Variants in CTNNA3 observed in about 807,000 individuals in gnomAD.
CTNNA3 encodes catenin alpha 3.
CTNNA3 carries 76 observed loss-of-function variants against 95.7 expected under a neutral mutation model. That is an observed-to-expected ratio of 0.79 (90% CI 0.66 to 0.96). CTNNA3 has a LOEUF of 0.96. CTNNA3 is among the 40% of genes least tolerant of loss of function. The pLI is 0.00. For synonymous variants in CTNNA3, 431 were observed against 374.4 expected, an observed-to-expected ratio of 1.15 and a Z score of -1.74; for missense variants, 1,191 against 1,089.8, an observed-to-expected ratio of 1.09 and a Z score of -1.31.
intron 8 of CTNNA3, among the ~76,000 whole-genome samples, chr10:66,768,569 C>A (rs567239161): frequency 2.0e-4 from 31 of 152,074 alleles, no homozygotes; most frequent in Non-Finnish European, 4.1e-4. Context: ...TATAATATTC[C>A]CATCATGGAC....
At chr10:66,074,604 T>C (rs532424136) in intron 14 of CTNNA3, among the ~76,000 whole-genome samples, 23 of 152,000 alleles carry the variant, frequency 1.5e-4, no homozygotes, top group African/African-American at 3.8e-4. Context: ...CAGACTCATA[T>C]AGTATATGCC....
chr10:67,038,972 T>C (rs1397782311), intron 7 of CTNNA3, among the ~76,000 whole-genome samples: 3 of 152,108 alleles, frequency 2.0e-5, no homozygotes, highest in Non-Finnish European at 4.4e-5. Flanking sequence ...ATGATAGATA[T>C]TAATTTTTCA....
intron 11 of CTNNA3, among the ~76,000 whole-genome samples, chr10:66,427,135 C>T (rs7914340): frequency 1.3e-5 from 2 of 151,602 alleles, no homozygotes; most frequent in African/African-American, 4.8e-5. Flanking sequence ...TGTAACTCTA[C>T]CCTTTAGTTG....
chr10:67,487,873 G>A (rs1320126804), intron 5 of CTNNA3, among the ~76,000 whole-genome samples: 5 of 152,146 alleles, frequency 3.3e-5, no homozygotes, highest in Non-Finnish European at 7.4e-5. Flanking sequence ...CTAATGGGAA[G>A]GCACAAGAGC....
At chr10:66,954,741 C>T (rs763110231) in intron 7 of CTNNA3, among the ~76,000 whole-genome samples, 4 of 152,158 alleles carry the variant, frequency 2.6e-5, no homozygotes, top group Admixed American at 6.6e-5. Flanking sequence ...CAGGTATACC[C>T]TTCCTTGGCG....
intron 5 of CTNNA3, chr10:67,334,466 GA>G (rs1394042000): frequency 1.3e-5 from 2 of 153,924 alleles, no homozygotes; most frequent in African/African-American, 4.8e-5. Flanking sequence ...TGGCAAAGAA[GA>G]TGTTCCCACT....
At chr10:66,995,524 C>A (rs1851278797) in intron 7 of CTNNA3, among the ~76,000 whole-genome samples, 1 of 152,154 alleles carries the variant, frequency 6.6e-6, no homozygotes, top group Non-Finnish European at 1.5e-5. Flanking sequence ...TTACCCATAC[C>A]TACCTGTTTA....
At chr10:66,651,762 G>A (rs866072184) in intron 9 of CTNNA3, among the ~76,000 whole-genome samples, 9 of 103,022 alleles carry the variant, frequency 8.7e-5, no homozygotes, top group African/African-American at 2.8e-4. Context: ...CTCCGAGTGC[G>A]GGGCCAGCCA....
chr10:67,292,629 A>G (rs1839883303), intron 5 of CTNNA3, among the ~76,000 whole-genome samples: 1 of 152,196 alleles, frequency 6.6e-6, no homozygotes, highest in Non-Finnish European at 1.5e-5. Context: ...CAATGAAACC[A>G]TACTCTAAGG....
chr10:66,120,420 T>A (rs1053817312), intron 13 of CTNNA3, among the ~76,000 whole-genome samples: 1 of 152,170 alleles, frequency 6.6e-6, no homozygotes, highest in Non-Finnish European at 1.5e-5. Flanking sequence ...TAGAATTACA[T>A]TAAATAAATA....
chr10:66,040,917 C>G (rs1903867), intron 15 of CTNNA3, among the ~76,000 whole-genome samples: 1 of 151,840 alleles, frequency 6.6e-6, no homozygotes, highest in African/African-American at 2.4e-5. Flanking sequence ...AATTAGTATG[C>G]GAAAGTTTGA....
intron 12 of CTNNA3, among the ~76,000 whole-genome samples, chr10:66,375,742 G>A (rs918027712): frequency 2.0e-5 from 3 of 152,102 alleles, no homozygotes; most frequent in Admixed American, 1.3e-4. Flanking sequence ...AACTCTATCT[G>A]TTGCTTAAAC....
intron 15 of CTNNA3, among the ~76,000 whole-genome samples, chr10:66,037,871 C>A (rs945769772): frequency 6.6e-6 from 1 of 151,930 alleles, no homozygotes; most frequent in African/African-American, 2.4e-5. Context: ...TCTTTTATAC[C>A]AACCATTTGT....
At chr10:67,116,036 C>T (rs145439644) in intron 7 of CTNNA3, among the ~76,000 whole-genome samples, 33 of 151,692 alleles carry the variant, frequency 2.2e-4, no homozygotes, top group African/African-American at 6.3e-4. Flanking sequence ...TTCTTTTTCT[C>T]TAGCTTGCTA....
At chr10:67,212,611 T>C (rs191366748) in intron 6 of CTNNA3, among the ~76,000 whole-genome samples, 241 of 152,066 alleles carry the variant, frequency 1.6e-3, no homozygotes, top group Non-Finnish European at 2.4e-3. Flanking sequence ...AAACCCTTTA[T>C]CAAGAAAACT....
chr10:66,937,117 CA>C (rs1847751293), intron 7 of CTNNA3, among the ~76,000 whole-genome samples: 1 of 152,018 alleles, frequency 6.6e-6, no homozygotes, highest in Admixed American at 6.6e-5. Flanking sequence ...CGCCATTATA[CA>C]AAGTCTTTCT....
intron 7 of CTNNA3, among the ~76,000 whole-genome samples, chr10:67,020,990 T>C (rs1379839777): frequency 6.6e-6 from 1 of 152,154 alleles, no homozygotes; most frequent in African/African-American, 2.4e-5. Flanking sequence ...CTATGGAAAG[T>C]CTGAGATACC....
chr10:66,689,955 C>T (rs1424789453), intron 9 of CTNNA3, among the ~76,000 whole-genome samples: 1 of 152,078 alleles, frequency 6.6e-6, no homozygotes, highest in Non-Finnish European at 1.5e-5. Context: ...TTTCTCCACA[C>T]TTGTTTTAAT....
chr10:67,426,893 T>C (rs952021499), intron 5 of CTNNA3, among the ~76,000 whole-genome samples: 2 of 152,036 alleles, frequency 1.3e-5, no homozygotes, highest in African/African-American at 2.4e-5. Flanking sequence ...AACTACTTAG[T>C]GCATTTATGA....
Sources: allele counts gnomAD v4.1 joint callset (sites outside exome capture counted in the v4.1 genomes callset), GRCh38; gene constraint gnomAD v4.1.1; transcripts MANE v1.5; gene names NCBI Gene and HGNC (gene_info 2026-07-23, HGNC 2026-07-21).